Variants in ANO6 observed in about 807,000 individuals in gnomAD.
The protein encoded by ANO6 is anoctamin-6.
ANO6 carries 106 observed loss-of-function variants against 117.5 expected under a neutral mutation model. The ratio of observed to expected loss-of-function variants is 0.90; its 90% confidence interval spans 0.77 to 1.06. The LOEUF is 1.06. Among genes scored for constraint, ANO6 ranks in the 50% least tolerant of loss-of-function variants. The probability of loss-of-function intolerance (pLI) is 0.00; values close to 1 mark genes in which losing one functional copy is unlikely to be tolerated. For synonymous variants in ANO6, 367 were observed against 385.1 expected (o/e 0.95, Z 0.55); for missense variants, 955 against 1,121.1 (o/e 0.85, Z 2.12).
In ANO6 at chr12:45,423,053, T is replaced by C; in HGVS notation, c.2517T>C (p.Ile839=). 6.2e-7 allele frequency: 1 copy of C among 1,610,834 alleles called. No individual in the cohort carries two copies. The highest frequency in any genetic ancestry group is 1.1e-5 in the South Asian group (1 of 91,012). The change falls in exon 19 of 20, where the codon ATT becomes ATC. Residue 839 remains isoleucine, a synonymous_variant. Coordinates refer to ENST00000320560, the MANE Select transcript of ANO6 (RefSeq NM_001025356.3). ...TTGCAGCCAAGCTGGCTTTTATCAT[T>C]GTCATGGAGGTAGGAAAAGTATGCT... ...HVIAAKLAFI[I]VMEHVIYSVK...
intron 1 of ANO6, among the ~76,000 whole-genome samples, chr12:45,293,612 G>T (rs1204598245): frequency 6.6e-6 from 1 of 151,742 alleles, no homozygotes; most frequent in Non-Finnish European, 1.5e-5. Context: ...CCAGGCTGGA[G>T]TGCAGTGGCA....
At chr12:45,232,847 T>A (rs1296259094) in intron 1 of ANO6, among the ~76,000 whole-genome samples, 2 of 152,210 alleles carry the variant, frequency 1.3e-5, no homozygotes, top group Non-Finnish European at 2.9e-5. Flanking sequence ...TGCATTTCAG[T>A]TTAGCATAAT....
At chr12:45,257,641 C>A (rs1026455059) in intron 1 of ANO6, among the ~76,000 whole-genome samples, 1 of 152,212 alleles carries the variant, frequency 6.6e-6, no homozygotes, top group South Asian at 2.1e-4. Flanking sequence ...GCCCTCCCCA[C>A]CACACATCAC....
chr12:45,278,436 G>T (rs1565660741), intron 1 of ANO6, among the ~76,000 whole-genome samples: 1 of 152,090 alleles, frequency 6.6e-6, no homozygotes, highest in Non-Finnish European at 1.5e-5. Context: ...ATCCTGAATT[G>T]GTTCTCCAAT....
intron 1 of ANO6, among the ~76,000 whole-genome samples, chr12:45,251,615 T>C (rs1203519588): frequency 6.6e-6 from 1 of 152,196 alleles, no homozygotes; most frequent in Non-Finnish European, 1.5e-5. Context: ...AGACAGAAGA[T>C]GCATGGTCTT....
At chr12:45,230,825 T>C (rs1418111612) in intron 1 of ANO6, among the ~76,000 whole-genome samples, 1 of 152,232 alleles carries the variant, frequency 6.6e-6, no homozygotes, top group East Asian at 1.9e-4. Context: ...TTTGTAGTTT[T>C]TACTTATTTC....
chr12:45,424,373 C>T (rs1209215913), intron 19 of ANO6, among the ~76,000 whole-genome samples: 1 of 118,008 alleles, frequency 8.5e-6, no homozygotes, highest in African/African-American at 3.4e-5. Context: ...GAGTCTCACT[C>T]TGTTGCCCAG....
chr12:45,287,380 C>T (rs377678650), intron 1 of ANO6, among the ~76,000 whole-genome samples: 1 of 152,202 alleles, frequency 6.6e-6, no homozygotes, highest in Non-Finnish European at 1.5e-5. Flanking sequence ...TTCTCCATGC[C>T]TCTTCATCAG....
At chr12:45,335,599 T>C (rs1940801632) in intron 3 of ANO6, 1 of 152,018 alleles carries the variant, frequency 6.6e-6, no homozygotes, top group South Asian at 2.1e-4. Context: ...GTGGATCATT[T>C]TGGATTTTCA....
intron 10 of ANO6, 108 bp from the exon 11 acceptor site, chr12:45,388,052 CA>C: frequency 7.2e-7 from 1 of 1,390,050 alleles, no homozygotes; most frequent in South Asian, 1.2e-5. Flanking sequence ...TTCTTTATAG[CA>C]GTGTGAAAAC....
chr12:45,428,426 A>C (rs923813152), intron 19 of ANO6, among the ~76,000 whole-genome samples: 5 of 152,178 alleles, frequency 3.3e-5, no homozygotes, highest in Non-Finnish European at 5.9e-5. Context: ...CAGCCTGGGC[A>C]ACATAGCGAG....
chr12:45,293,248 A>G (rs945695850), intron 1 of ANO6, among the ~76,000 whole-genome samples: 2 of 152,214 alleles, frequency 1.3e-5, no homozygotes, highest in Admixed American at 6.5e-5. Context: ...TTGAGCATCT[A>G]TAATATGCAA....
At chr12:45,259,155 G>A (rs1323162532) in intron 1 of ANO6, among the ~76,000 whole-genome samples, 3 of 152,230 alleles carry the variant, frequency 2.0e-5, no homozygotes, top group African/African-American at 7.2e-5. Context: ...AAGGCAGGAT[G>A]TTGGAGGACA....
At chr12:45,398,968 C>A (rs1942705837) in intron 12 of ANO6, among the ~76,000 whole-genome samples, 1 of 152,040 alleles carries the variant, frequency 6.6e-6, no homozygotes, top group Non-Finnish European at 1.5e-5. Flanking sequence ...TTATTCTTTC[C>A]ACCTATTTAT....
chr12:45,391,060 G>T (rs966192999), intron 12 of ANO6, among the ~76,000 whole-genome samples: 7 of 152,062 alleles, frequency 4.6e-5, no homozygotes, highest in Non-Finnish European at 1.0e-4. Flanking sequence ...GACGGAGGTT[G>T]CAGTGAGTGA....
Position 45,216,531 on chromosome 12 carries a change from C to T in ANO6, c.70+140C>T, listed in dbSNP as rs942429095. 32 of 963,792 alleles carry T rather than the reference C, an allele frequency of 3.3e-5. 1 individual carries two copies. The African/African-American group carries it at 5.0e-4, about 15-fold the overall frequency. The allele number at this position is 963,792 out of a possible 1,614,324, so 59.7% of individuals were successfully genotyped here. ...GCCGCTCCGGGCAGGGGAGGAAGCC[C>T]GCTGTCCCCGGCTGCTTGCAGACTG... On this transcript the variant is annotated intron_variant, in intron 1 of 19. Transcript: ENST00000320560.
intron 1 of ANO6, among the ~76,000 whole-genome samples, chr12:45,218,390 C>CTTTTTTTTTT (rs76855973): frequency 3.7e-4 from 41 of 110,082 alleles, no homozygotes; most frequent in Admixed American, 4.8e-4. Context: ...CTTTCTTTCT[C>CTTTTTTTTTT]TTTTTTTTTT....
chr12:45,244,981 G>A (rs995076305), intron 1 of ANO6, among the ~76,000 whole-genome samples: 5 of 152,182 alleles, frequency 3.3e-5, no homozygotes, highest in African/African-American at 1.2e-4. Flanking sequence ...TTGCTCTCAG[G>A]CACCATGGAA....
intron 1 of ANO6, among the ~76,000 whole-genome samples, chr12:45,227,508 G>C (rs1042163679): frequency 2.0e-5 from 3 of 151,896 alleles, no homozygotes; most frequent in African/African-American, 7.3e-5. Context: ...AGTCCTGTGT[G>C]GTTGCTGGGA....
Sources: allele counts gnomAD v4.1 joint callset (sites outside exome capture counted in the v4.1 genomes callset), GRCh38; gene constraint gnomAD v4.1.1; transcripts MANE v1.5; gene names NCBI Gene and HGNC (gene_info 2026-07-23, HGNC 2026-07-21).